ZFAND3: variants seen among roughly 807,000 people sequenced by gnomAD.
ZFAND3 encodes the protein AN1-type zinc finger protein 3.
ZFAND3 carries 10 observed loss-of-function variants against 29.6 expected under a neutral mutation model. The ratio of observed to expected loss-of-function variants is 0.34; its 90% CI spans 0.21 to 0.57. The LOEUF (loss-of-function observed/expected upper bound fraction) is 0.57, where lower values mean the gene tolerates loss of function less well. Among genes scored for constraint, ZFAND3 ranks in the 20% least tolerant of loss-of-function variants. The pLI, the probability that ZFAND3 is intolerant of heterozygous loss-of-function variation, is 0.86. For synonymous variants in ZFAND3, 128 were observed against 112.6 expected (o/e 1.14, Z -0.87); for missense variants, 230 against 304.5 (o/e 0.76, Z 1.82).
chr6:37,858,986 T>TA (rs1333109928), intron 1 of ZFAND3, among the ~76,000 whole-genome samples: 1 of 152,204 alleles, frequency 6.6e-6, no homozygotes, highest in African/African-American at 2.4e-5. Context: ...ATTATTATTT[T>TA]AAAAAATCCT....
At chr6:37,992,440 A>G (rs185738950) in intron 2 of ZFAND3, among the ~76,000 whole-genome samples, 114 of 152,298 alleles carry the variant, frequency 7.5e-4, no homozygotes, top group Non-Finnish European at 1.3e-3. Context: ...ACACTAGAAC[A>G]GTGAATTCCT....
At chr6:37,891,352 C>T (rs1423372960) in intron 1 of ZFAND3, among the ~76,000 whole-genome samples, 2 of 146,646 alleles carry the variant, frequency 1.4e-5, no homozygotes, top group Non-Finnish European at 3.0e-5. Context: ...CAACGTAGAG[C>T]ACCAAAATAC....
intron 5 of ZFAND3, among the ~76,000 whole-genome samples, chr6:38,139,509 G>T (rs1344817857): frequency 6.6e-6 from 1 of 152,168 alleles, no homozygotes; most frequent in Non-Finnish European, 1.5e-5. Context: ...TCTTCCTGAG[G>T]AAGTCATTGA....
At chr6:37,989,080 G>C (rs1184910960) in intron 2 of ZFAND3, among the ~76,000 whole-genome samples, 1 of 151,946 alleles carries the variant, frequency 6.6e-6, no homozygotes, top group Non-Finnish European at 1.5e-5. Flanking sequence ...CTAATTTTTT[G>C]TATTTTTAGT....
chr6:37,970,699 C>T (rs544943462), intron 2 of ZFAND3, among the ~76,000 whole-genome samples: 6 of 152,140 alleles, frequency 3.9e-5, no homozygotes, highest in South Asian at 2.1e-4. Context: ...GTCAGGAGAT[C>T]GAGACGGTCC....
intron 3 of ZFAND3, among the ~76,000 whole-genome samples, chr6:38,077,880 C>T (rs556516891): frequency 6.6e-6 from 1 of 152,304 alleles, no homozygotes; most frequent in African/African-American, 2.4e-5. Flanking sequence ...CTTCAACTAG[C>T]CGATGGGATT....
chr6:38,079,839 T>A (rs1271626327), intron 3 of ZFAND3, among the ~76,000 whole-genome samples: 1 of 152,106 alleles, frequency 6.6e-6, no homozygotes, highest in Non-Finnish European at 1.5e-5. Context: ...CCCAATCTCT[T>A]ACATCAAAAT....
At chr6:37,913,260 T>C (rs1765554568) in intron 1 of ZFAND3, among the ~76,000 whole-genome samples, 1 of 152,216 alleles carries the variant, frequency 6.6e-6, no homozygotes, top group African/African-American at 2.4e-5. Flanking sequence ...ACAGTAGAAC[T>C]TCTTTCAGAA....
At chr6:37,896,995 A>G (rs1382217306) in intron 1 of ZFAND3, among the ~76,000 whole-genome samples, 1 of 152,142 alleles carries the variant, frequency 6.6e-6, no homozygotes, top group Non-Finnish European at 1.5e-5. Flanking sequence ...ATAATTTATT[A>G]ACATGATATT....
chr6:38,141,135 CAAG>C (rs1468983536), intron 5 of ZFAND3, among the ~76,000 whole-genome samples: 2 of 152,196 alleles, frequency 1.3e-5, no homozygotes, highest in Non-Finnish European at 2.9e-5. Flanking sequence ...GTGGTGAAAA[CAAG>C]AAGCCCTTAG....
intron 2 of ZFAND3, among the ~76,000 whole-genome samples, chr6:38,033,329 T>G (rs960178152): frequency 6.6e-6 from 1 of 152,112 alleles, no homozygotes; most frequent in Non-Finnish European, 1.5e-5. Context: ...ATCTTCATTA[T>G]TTTTTTAAAA....
chr6:38,113,793 T>C (rs1451245104), intron 4 of ZFAND3, among the ~76,000 whole-genome samples: 1 of 152,258 alleles, frequency 6.6e-6, no homozygotes, highest in Non-Finnish European at 1.5e-5. Context: ...TTTGTCTTTA[T>C]TTTTTCCCCC....
At chr6:37,891,006 G>A (rs189976132) in intron 1 of ZFAND3, among the ~76,000 whole-genome samples, 66 of 152,258 alleles carry the variant, frequency 4.3e-4, no homozygotes, top group Admixed American at 2.3e-3. Flanking sequence ...AATAGTCAAA[G>A]CGTTATAGTA....
chr6:38,026,686 C>A (rs1259223129), intron 2 of ZFAND3, among the ~76,000 whole-genome samples: 1 of 152,078 alleles, frequency 6.6e-6, no homozygotes, highest in African/African-American at 2.4e-5. Context: ...CCACCTTGGC[C>A]TCCCAAAGTG....
chr6:38,138,589 G>A (rs1441684691), intron 5 of ZFAND3, among the ~76,000 whole-genome samples: 1 of 152,176 alleles, frequency 6.6e-6, no homozygotes, highest in African/African-American at 2.4e-5. Flanking sequence ...AGTATGCTGA[G>A]CTTATTCCTG....
chr6:37,885,672 G>GCTGAAGACAGTT (rs1389304843), intron 1 of ZFAND3, among the ~76,000 whole-genome samples: 1 of 152,052 alleles, frequency 6.6e-6, no homozygotes, highest in Non-Finnish European at 1.5e-5. Flanking sequence ...TAGATGTAGA[G>GCTGAAGACAGTT]CTGAAGACAG....
chr6:37,931,878 G>T (rs1761603404), intron 2 of ZFAND3, among the ~76,000 whole-genome samples: 1 of 152,140 alleles, frequency 6.6e-6, no homozygotes, highest in South Asian at 2.1e-4. Flanking sequence ...GCTTTTATAG[G>T]TTCAAAATTT....
chr6:37,999,133 C>A lies in ZFAND3; in HGVS notation c.113-62460C>A, dbSNP rs1425272017. Among the ~76,000 whole-genome samples, 3 of 152,118 alleles carry A rather than the reference C, an allele frequency of 2.0e-5. No individual in the cohort carries two copies. In the East Asian group the frequency reaches 5.8e-4, roughly 29 times the overall value. ...AAGTAAAGTGCTTTAAAAAACCCCACAATGAAGGGGGCATGTCAGAGGGAC... is the reference window on the plus strand; with the variant it reads ...AAGTAAAGTGCTTTAAAAAACCCCAAAATGAAGGGGGCATGTCAGAGGGAC... On this transcript the variant is annotated intron_variant, in intron 2 of 5. Transcript: ENST00000287218.
intron 3 of ZFAND3, chr6:38,062,743 G>A (rs1452200577): frequency 6.6e-6 from 1 of 152,186 alleles, no homozygotes; most frequent in Non-Finnish European, 1.5e-5. Flanking sequence ...CTGGCGGTAT[G>A]TGAGATATAC....
Sources: gnomAD v4.1 joint callset for allele counts (sites outside exome capture counted in the v4.1 genomes callset) on GRCh38, gnomAD v4.1.1 for gene constraint, MANE v1.5 for transcripts, NCBI Gene and HGNC (gene_info 2026-07-23, HGNC 2026-07-21) for gene names.